The following ERVV-2 variants were observed in gnomAD, a reference collection of about 807,000 sequenced individuals.
ERVV-2 encodes endogenous retrovirus group V member 2 Env polyprotein.
For synonymous variants in ERVV-2, 105 were observed against 184.6 expected (o/e 0.57, Z 3.49); for missense variants, 291 against 495.1 (o/e 0.59, Z 3.91).
rs1164123620 is a variant in ERVV-2 at position 53,044,929 on chromosome 19, G to T, written c.-415G>T. ...GGGTAACATCTGGTGTTTTCACCTG[G>T]TTACCTGGTTACCTCGCCTGGTTAT... On this transcript the variant is annotated 5_prime_UTR_variant, in exon 1 of 2. Coordinates refer to ENST00000601417, the MANE Select transcript of ERVV-2 (RefSeq NM_001191055.2). 2.6e-5 allele frequency: 4 copies of T among 152,168 alleles called. No homozygotes were observed. Among genetic ancestry groups the T allele is most frequent in the Non-Finnish European group, 4.4e-5 (3 of 68,046 alleles). 9.4% of individuals were successfully genotyped at this position (152,168 alleles called of 1,614,324 possible). A position where few individuals can be genotyped will look rare whatever the true frequency, so the allele number is the denominator to read the frequency against.
At position 53,049,066 on chromosome 19, in the gene ERVV-2, G is replaced by A; in HGVS notation, c.-186G>A. On this transcript the variant is annotated 5_prime_UTR_variant, in exon 2 of 2. Transcript: ENST00000601417. ...TCACCCAAAACTAAAGTCAATCTCA[G>A]TACGGGGAATCTTGGTTGCGGTGGC... is the stretch of plus-strand genomic sequence containing the variant. 1 of 727,820 alleles carries A rather than the reference G, an allele frequency of 1.4e-6. No homozygotes were observed. Among genetic ancestry groups the A allele is most frequent in the Non-Finnish European group, 2.2e-6 (1 of 452,238 alleles). 45.1% of individuals were successfully genotyped at this position (727,820 alleles called of 1,614,324 possible). A position where few individuals can be genotyped will look rare whatever the true frequency, so the allele number is the denominator to read the frequency against.
At position 53,050,351 on chromosome 19, in the gene ERVV-2, T is replaced by A. The variant is rs1217558351; in HGVS notation, c.1100T>A (p.Ile367Asn). The A allele has an allele frequency of 1.4e-6, 1 of 724,074 alleles. No homozygotes were observed. The highest frequency in any genetic ancestry group is 1.7e-5 in the African/African-American group (1 of 57,402). 44.9% of individuals were successfully genotyped at this position (724,074 alleles called of 1,614,324 possible). A position where few individuals can be genotyped will look rare whatever the true frequency, so the allele number is the denominator to read the frequency against. ...ATAGCTAAGAGTACCAGAGATAGCA[T>A]CTCTAAACTCAAGGCCTCCATAGAT... ...DNIAKSTRDSISKLKASIDSL... is the reference protein window; with the variant it reads ...DNIAKSTRDSNSKLKASIDSL... The change falls in exon 2 of 2, where the codon ATC becomes AAC. Residue 367 changes from isoleucine (I) to asparagine (N), a missense_variant. Physicochemically the swap from Ile to Asn is moderately radical, Grantham distance 149. Transcript: ENST00000601417.
rs549196833 is a variant in ERVV-2, at chr19:53,047,749, C to T, written c.-385-1118C>T. Among the ~76,000 whole-genome samples, 223 of 152,314 alleles carry T rather than the reference C, an allele frequency of 1.5e-3. 1 individual carries two copies. Among genetic ancestry groups the T allele is most frequent in the African/African-American group, 5.1e-3 (213 of 41,564 alleles). On this transcript the variant is annotated intron_variant, in intron 1 of 1. Coordinates refer to ENST00000601417, the MANE Select transcript of ERVV-2 (RefSeq NM_001191055.2). ...ACACTTCCTCTATCCTGCATTCTCTCTTGTCTTGTCTTTCAGATGGGTAAT... is the reference window on the plus strand; with the variant it reads ...ACACTTCCTCTATCCTGCATTCTCTTTTGTCTTGTCTTTCAGATGGGTAAT...
Position 53,051,243 on chromosome 19 carries a change from T to C in ERVV-2, c.*384T>C, listed in dbSNP as rs2083913212. On this transcript the variant is annotated 3_prime_UTR_variant, in exon 2 of 2. Coordinates refer to ENST00000601417, the MANE Select transcript of ERVV-2 (RefSeq NM_001191055.2). ...CTCACTGCACCCTCCACCTCCCAGG[T>C]TCAATTGATTCTCCTGTTTCAGCCT... Among the ~76,000 whole-genome samples the C allele has an allele frequency of 6.8e-6, 1 of 146,120 alleles. No homozygotes were observed. The highest frequency in any genetic ancestry group is 1.5e-5 in the Non-Finnish European group (1 of 67,060).
At chr19:53,045,859 A>T (rs992179653) in intron 1 of ERVV-2, among the ~76,000 whole-genome samples, 1 of 152,150 alleles carries the variant, frequency 6.6e-6, no homozygotes, top group Non-Finnish European at 1.5e-5. Flanking sequence ...TTGAGGGCCT[A>T]TGCTGATGTT....
At chr19:53,047,186 TA>T (rs1216775555) in intron 1 of ERVV-2, among the ~76,000 whole-genome samples, 1 of 148,596 alleles carries the variant, frequency 6.7e-6, no homozygotes, top group African/African-American at 2.5e-5. Flanking sequence ...CCGTCTCTAC[TA>T]AAAATACAAA....
At chr19:53,045,337 C>T (rs1411613550) in intron 1 of ERVV-2, among the ~76,000 whole-genome samples, 2 of 151,836 alleles carry the variant, frequency 1.3e-5, no homozygotes, top group Non-Finnish European at 2.9e-5. Context: ...GAGTCTCACT[C>T]TGTCGCCCAG....
intron 1 of ERVV-2, among the ~76,000 whole-genome samples, chr19:53,046,306 C>T (rs2083890941): frequency 6.6e-6 from 1 of 152,016 alleles, no homozygotes; most frequent in Non-Finnish European, 1.5e-5. Flanking sequence ...ATTATTGGGT[C>T]CTTCTCCGCC....
In ERVV-2 at chr19:53,050,616, C is replaced by T; in HGVS notation, c.1365C>T (p.Asn455=). Residue 455 remains asparagine (N), a synonymous_variant, in exon 2 of 2, where the codon AAC becomes AAT. Transcript: ENST00000601417. The stretch of plus-strand genomic sequence containing the variant: ...TGAAGTCTGCCCTCCCCTCCCTCAA[C>T]TGGTTTGTCCCTTTACTGGGACCAG... ...EAVKSALPSL[N]WFVPLLGPAT... is the part of the protein sequence containing the mutation. The T allele has an allele frequency of 8.2e-7, 1 of 1,217,050 alleles. No homozygotes were observed. Among genetic ancestry groups the T allele is most frequent in the East Asian group, 2.5e-5 (1 of 39,478 alleles). The allele number at this position is 1,217,050 out of a possible 1,614,324, so 75.4% of individuals were successfully genotyped here. A position where few individuals can be genotyped will look rare whatever the true frequency, so the allele number is the denominator to read the frequency against.
chr19:53,046,928 G>T (rs1274948414), intron 1 of ERVV-2, among the ~76,000 whole-genome samples: 1 of 152,192 alleles, frequency 6.6e-6, no homozygotes, highest in East Asian at 1.9e-4. Flanking sequence ...AGCACTTTGG[G>T]AGGCTGAGGC....
At chr19:53,046,671 C>T (rs2083892279) in intron 1 of ERVV-2, among the ~76,000 whole-genome samples, 1 of 152,208 alleles carries the variant, frequency 6.6e-6, no homozygotes, top group Non-Finnish European at 1.5e-5. Flanking sequence ...TCTGTATAAA[C>T]CCCAAGGAAC....
chr19:53,047,078 G>C (rs574918408), intron 1 of ERVV-2, among the ~76,000 whole-genome samples: 1 of 152,104 alleles, frequency 6.6e-6, no homozygotes, highest in African/African-American at 2.4e-5. Context: ...AGAATCTCTT[G>C]AACCCTGGAC....
In ERVV-2 at chr19:53,046,822, C is replaced by T. The variant is rs577615273; in HGVS notation, c.-386+1864C>T. Reference sequence around the variant, plus strand: ...ATCCCAGCACTTTCGGAGGCCAAGGCGGGCGTGTCACCCGAGGTTGTGAGT... The same window carrying T: ...ATCCCAGCACTTTCGGAGGCCAAGGTGGGCGTGTCACCCGAGGTTGTGAGT... On this transcript the variant is annotated intron_variant, in intron 1 of 1. Coordinates refer to ENST00000601417, the MANE Select transcript of ERVV-2 (RefSeq NM_001191055.2). 2.6e-5 allele frequency among the ~76,000 whole-genome samples: 4 copies of T among 152,264 alleles called. No homozygotes were observed. In the East Asian group the frequency reaches 5.8e-4, roughly 22 times the overall value.
chr19:53,051,499 A>G lies in ERVV-2; in HGVS notation c.*640A>G, dbSNP rs1384694831. On this transcript the variant is annotated 3_prime_UTR_variant, in exon 2 of 2. Coordinates refer to ENST00000601417, the MANE Select transcript of ERVV-2 (RefSeq NM_001191055.2). ...ATGAAAAATCATGTAAGGTTCTCAT[A>G]AAAACATCTGCCCAGCCATTAGTAG... is the stretch of plus-strand genomic sequence containing the variant. Among the ~76,000 whole-genome samples the G allele has an allele frequency of 6.6e-6, 1 of 152,132 alleles. No individual in the cohort carries two copies. Among genetic ancestry groups the G allele is most frequent in the Non-Finnish European group, 1.5e-5 (1 of 68,014 alleles).
chr19:53,048,675 CAAAA>C (rs34725225), intron 1 of ERVV-2, among the ~76,000 whole-genome samples, 188 bp from the exon 2 acceptor site: 3 of 92,218 alleles, frequency 3.3e-5, no homozygotes, highest in African/African-American at 4.5e-5. Context: ...AATTCCATCT[CAAAA>C]AAAAAAAAAA....
rs1296457147 is a variant in ERVV-2, at chr19:53,050,736, G to A, written c.1485G>A (p.Lys495=). Reference sequence around the variant, plus strand: ...CTAGGATAAAGCAATTTCACATGAAGTCCCCCCAAATGGAAAGATATCAGC... The same window carrying A: ...CTAGGATAAAGCAATTTCACATGAAATCCCCCCAAATGGAAAGATATCAGC... ...VSSRIKQFHM[K]SPQMERYQLS... is the part of the protein sequence containing the mutation. Residue 495 remains lysine (K), a synonymous_variant, in exon 2 of 2, where the codon AAG becomes AAA. Transcript: ENST00000601417. 2 of 1,535,992 alleles carry A rather than the reference G, an allele frequency of 1.3e-6. No individual in the cohort carries two copies. Among genetic ancestry groups the A allele is most frequent in the South Asian group, 1.2e-5 (1 of 84,064 alleles).
chr19:53,051,079 A>T lies in ERVV-2; in HGVS notation c.*220A>T. ...CAGCCCACTGATAGCTTCCTTGGTG[A>T]TGCTGCCCACAGACAGTCAGCACTT... On this transcript the variant is annotated 3_prime_UTR_variant, in exon 2 of 2. Coordinates refer to ENST00000601417, the MANE Select transcript of ERVV-2 (RefSeq NM_001191055.2). 2 of 424,040 alleles carry T rather than the reference A, an allele frequency of 4.7e-6. No individual in the cohort carries two copies. The highest frequency in any genetic ancestry group is 4.2e-6 in the Non-Finnish European group (1 of 238,438). 26.3% of individuals were successfully genotyped at this position (424,040 alleles called of 1,614,324 possible). A position where few individuals can be genotyped will look rare whatever the true frequency, so the allele number is the denominator to read the frequency against.
At position 53,051,318 on chromosome 19, in the gene ERVV-2, G is replaced by A. The variant is rs529986441; in HGVS notation, c.*459G>A. Reference sequence around the variant, plus strand: ...TGTGCCGCCATGCCCGGCTAATTTTGTATTTTTAGTAGAGATGGGGTTTCA... The same window carrying A: ...TGTGCCGCCATGCCCGGCTAATTTTATATTTTTAGTAGAGATGGGGTTTCA... On this transcript the variant is annotated 3_prime_UTR_variant, in exon 2 of 2. Transcript: ENST00000601417. 1.3e-5 allele frequency among the ~76,000 whole-genome samples: 2 copies of A among 151,864 alleles called. No individual in the cohort carries two copies. Among genetic ancestry groups the A allele is most frequent in the South Asian group, 4.2e-4 (2 of 4,810 alleles).
rs573473432 is a variant in ERVV-2, at chr19:53,046,146, C to G, written c.-386+1188C>G. ...GCGTGGTGGCACACGCTTGTAATCC[C>G]AGCTACTTGGGAGGCTGAGGCAGGA... On this transcript the variant is annotated intron_variant, in intron 1 of 1. Transcript: ENST00000601417. Among the ~76,000 whole-genome samples the G allele has an allele frequency of 2.5e-3, 381 of 152,188 alleles. 1 individual carries two copies. Among genetic ancestry groups the G allele is most frequent in the Non-Finnish European group, 4.0e-3 (269 of 68,010 alleles).
Sources: allele counts gnomAD v4.1 joint callset (sites outside exome capture counted in the v4.1 genomes callset), GRCh38; gene constraint gnomAD v4.1.1; transcripts MANE v1.5; gene names NCBI Gene and HGNC (gene_info 2026-07-23, HGNC 2026-07-21).